The following HMGB1 variants were observed in gnomAD, a reference collection of about 807,000 sequenced individuals.
HMGB1 encodes the protein high mobility group protein B1.
For missense variants in HMGB1, 79 were observed against 253.5 expected, an observed-to-expected ratio of 0.31 and a Z score of 4.67; for synonymous variants, 81 against 84.0, an observed-to-expected ratio of 0.96 and a Z score of 0.19.
chr13:30,538,718 CTT>C (rs1326104418), intron 1 of HMGB1, among the ~76,000 whole-genome samples: 2 of 43,548 alleles, frequency 4.6e-5, no homozygotes, highest in Non-Finnish European at 8.9e-5. Context: ...TTTCTTTCTT[CTT>C]TTTCTTTCTT....
intron 1 of HMGB1, among the ~76,000 whole-genome samples, chr13:30,585,858 C>T (rs572487396): frequency 2.6e-5 from 4 of 152,262 alleles, no homozygotes; most frequent in African/African-American, 9.6e-5. Flanking sequence ...ACTGTCCTGT[C>T]ACTGTGGTCT....
intron 1 of HMGB1, among the ~76,000 whole-genome samples, chr13:30,592,723 C>T (rs1405569503): frequency 6.6e-6 from 1 of 152,078 alleles, no homozygotes; most frequent in African/African-American, 2.4e-5. Flanking sequence ...AACAAAGCCA[C>T]AACCAGGACC....
intron 1 of HMGB1, among the ~76,000 whole-genome samples, chr13:30,520,082 G>A (rs921138693): frequency 1.3e-5 from 2 of 152,218 alleles, no homozygotes; most frequent in Admixed American, 6.5e-5. Context: ...AGCACTTTGG[G>A]AGGCCAAGGC....
chr13:30,546,118 TTTTG>T (rs1439393053), intron 1 of HMGB1, among the ~76,000 whole-genome samples: 3 of 151,916 alleles, frequency 2.0e-5, no homozygotes, highest in South Asian at 2.1e-4. Flanking sequence ...AAACCTCACG[TTTTG>T]TTTGTTTGTT....
At chr13:30,579,575 C>T (rs1246176685) in intron 1 of HMGB1, among the ~76,000 whole-genome samples, 2 of 152,126 alleles carry the variant, frequency 1.3e-5, no homozygotes, top group African/African-American at 4.8e-5. Flanking sequence ...CATATCATAG[C>T]TTGCTCTGAT....
In HMGB1 at chr13:30,457,459, T is replaced by C. The variant is rs1255073487; in HGVS notation, c.*3898A>G. 1 of 152,248 alleles carries C rather than the reference T, an allele frequency of 6.6e-6. No individual in the cohort carries two copies. Among genetic ancestry groups the C allele is most frequent in the East Asian group, 1.9e-4 (1 of 5,202 alleles). 9.4% of individuals were successfully genotyped at this position (152,248 alleles called of 1,614,324 possible). ...TAAGCTAAGCACAGTGGTGTGTCCC[T>C]GTAATCCCAGCTACTTGAGAAACTG... On this transcript the variant is annotated 3_prime_UTR_variant, in exon 5 of 5. Transcript: ENST00000341423.
At chr13:30,495,653 T>C (rs1339400706) in intron 1 of HMGB1, among the ~76,000 whole-genome samples, 1 of 152,140 alleles carries the variant, frequency 6.6e-6, no homozygotes, top group African/African-American at 2.4e-5. Context: ...TAATTTTTTA[T>C]ATTTTTAATA....
At chr13:30,472,000 A>G (rs1228011645) in intron 1 of HMGB1, among the ~76,000 whole-genome samples, 1 of 145,810 alleles carries the variant, frequency 6.9e-6, no homozygotes, top group Admixed American at 6.8e-5. Context: ...AAAGGTGACC[A>G]GGTGTGGTGG....
intron 1 of HMGB1, among the ~76,000 whole-genome samples, chr13:30,549,707 GTTTGT>G (rs1869333548): frequency 3.1e-5 from 2 of 64,150 alleles, no homozygotes; most frequent in Non-Finnish European, 8.2e-5. Context: ...AACACTAATT[GTTTGT>G]TTTTTTTTTT....
intron 1 of HMGB1, chr13:30,542,860 G>A (rs1243616301): frequency 6.5e-6 from 1 of 154,364 alleles, no homozygotes; most frequent in Non-Finnish European, 1.4e-5. Flanking sequence ...CAGAGTCAAT[G>A]AGCGACTGCT....
chr13:30,471,295 G>A (rs1886920625), intron 1 of HMGB1, among the ~76,000 whole-genome samples: 1 of 151,884 alleles, frequency 6.6e-6, no homozygotes, highest in Admixed American at 6.6e-5. Flanking sequence ...TTAATTTAAT[G>A]TTTGTCTCCC....
Position 30,505,335 on chromosome 13 carries a change from G to T in HMGB1, c.-14-41641C>A, listed in dbSNP as rs527574508. On this transcript the variant is annotated intron_variant, in intron 1 of 4. Coordinates refer to the HMGB1 transcript ENST00000405805. The stretch of plus-strand genomic sequence containing the variant: ...CTGGGATTACAGGTGCGTGCCACCA[G>T]GCCTGGCTAATTTTTTGTATTTTTA... 1.8e-4 allele frequency among the ~76,000 whole-genome samples: 28 copies of T among 151,944 alleles called. No individual in the cohort carries two copies. The South Asian group carries it at 2.3e-3, about 12-fold the overall frequency.
rs959615397 is a variant in HMGB1, at chr13:30,572,050, A to G, written c.-15+44621T>C. 4.1e-4 allele frequency among the ~76,000 whole-genome samples: 63 copies of G among 152,202 alleles called. 1 individual carries two copies. Among genetic ancestry groups the G allele is most frequent in the Admixed American group, 3.6e-3 (55 of 15,274 alleles). Reference sequence around the variant, plus strand: ...GAGCAAATAAAATAGCTTCAGGCCTAATTTTGCAAGTTCATGATGGGAGAG... The same window carrying G: ...GAGCAAATAAAATAGCTTCAGGCCTGATTTTGCAAGTTCATGATGGGAGAG... On this transcript the variant is annotated intron_variant, in intron 1 of 4. Transcript: ENST00000405805.
At chr13:30,554,236 A>G (rs1211676822) in intron 1 of HMGB1, 32 of 1,434,524 alleles carry the variant, frequency 2.2e-5, no homozygotes, top group Non-Finnish European at 2.9e-5. Flanking sequence ...CTGAATCACC[A>G]GCTTCATTTC....
intron 1 of HMGB1, among the ~76,000 whole-genome samples, chr13:30,525,583 A>G (rs189268956): frequency 2.6e-4 from 40 of 152,366 alleles, no homozygotes; most frequent in African/African-American, 8.7e-4. Flanking sequence ...AAAATTCAAC[A>G]TACTTAAAAG....
chr13:30,471,636 T>A (rs994558641), intron 1 of HMGB1, among the ~76,000 whole-genome samples: 40 of 131,960 alleles, frequency 3.0e-4, no homozygotes, highest in Non-Finnish European at 5.9e-4. Flanking sequence ...ATTACAGGCA[T>A]GAGCCACCGT....
intron 1 of HMGB1, among the ~76,000 whole-genome samples, chr13:30,594,543 T>C (rs891518488): frequency 6.6e-5 from 10 of 152,252 alleles, no homozygotes; most frequent in African/African-American, 2.4e-4. Flanking sequence ...TTCATGTCAC[T>C]GCAAAGGATT....
rs60691018 is a variant in HMGB1, at chr13:30,500,536, ATT to A, written c.-14-36844_-14-36843del. Among the ~76,000 whole-genome samples the A allele has an allele frequency of 8.8e-3, 1,131 of 128,326 alleles. 7 individuals carry two copies. The highest frequency in any genetic ancestry group is 0.035 in the African/African-American group (1,071 of 30,336). The allele number at this position is 128,326 out of a possible 152,430, so 84.2% of individuals were successfully genotyped here. A position where few individuals can be genotyped will look rare whatever the true frequency, so the allele number is the denominator to read the frequency against. ...ATGTGTGTGCTCCCTCACCTGGCTA[ATT>A]TTTTTTTTTTTTTTTTTTTTTGAGA... On this transcript the variant is annotated intron_variant, in intron 1 of 4. Coordinates refer to the HMGB1 transcript ENST00000405805.
chr13:30,588,915 TAAAA>T (rs552073771), intron 1 of HMGB1, among the ~76,000 whole-genome samples: 1 of 150,126 alleles, frequency 6.7e-6, no homozygotes, highest in African/African-American at 2.4e-5. Flanking sequence ...AGCCTCTGTT[TAAAA>T]AAAAACGGTA....
Sources: allele counts gnomAD v4.1 joint callset (sites outside exome capture counted in the v4.1 genomes callset), GRCh38; gene constraint gnomAD v4.1.1; transcripts MANE v1.5; gene names NCBI Gene and HGNC (gene_info 2026-07-23, HGNC 2026-07-21).